ZNF362: variants seen among roughly 807,000 people sequenced by gnomAD.
The protein encoded by ZNF362 is rotund homolog.
In ZNF362, 11 loss-of-function variants were observed where a neutral mutation model predicts 42.9. That is an observed-to-expected ratio of 0.26 (90% CI 0.16 to 0.42). The LOEUF (loss-of-function observed/expected upper bound fraction) is 0.42. ZNF362 is among the 20% of genes least tolerant of loss of function. The probability of loss-of-function intolerance (pLI) is 1.00; values close to 1 mark genes in which losing one functional copy is unlikely to be tolerated. For synonymous variants in ZNF362, 255 were observed against 257.3 expected (o/e 0.99, Z 0.09); for missense variants, 362 against 576.2 (o/e 0.63, Z 3.81).
At chr1:33,200,759 A>G in the ZNF362 span, among the ~76,000 whole-genome samples, 4 of 152,240 alleles carry the variant, frequency 2.6e-5, no homozygotes, top group Non-Finnish European at 5.9e-5. Context: ...GCTTTGAAAT[A>G]CATTGTTATG....
intron 2 of ZNF362, among the ~76,000 whole-genome samples, chr1:33,272,282 A>G (rs1046808456): frequency 6.6e-6 from 1 of 152,110 alleles, no homozygotes; most frequent in African/African-American, 2.4e-5. Context: ...GCAGAAGCTT[A>G]TGGCTCACTT....
chr1:33,227,865 T>A, the ZNF362 span, among the ~76,000 whole-genome samples: 1 of 152,062 alleles, frequency 6.6e-6, no homozygotes, highest in Non-Finnish European at 1.5e-5. Flanking sequence ...GGGATCTTTT[T>A]TTTTTCCCAC....
the ZNF362 span, among the ~76,000 whole-genome samples, chr1:33,196,772 G>A: frequency 6.6e-6 from 1 of 152,176 alleles, no homozygotes; most frequent in Non-Finnish European, 1.5e-5. Context: ...GACTGGCAGT[G>A]CAGTAGGCCA....
Position 33,281,761 on chromosome 1 carries a change from C to G in ZNF362, c.858C>G (p.Ser286=). 1 of 1,614,266 alleles carries G rather than the reference C, an allele frequency of 6.2e-7. No homozygotes were observed. The highest frequency in any genetic ancestry group is 8.5e-7 in the Non-Finnish European group (1 of 1,180,042). The change falls in exon 6 of 9, where the codon TCC becomes TCG. Residue 286 remains serine (S), a synonymous_variant. Coordinates refer to ENST00000539719, the MANE Select transcript of ZNF362 (RefSeq NM_152493.3). This position sits in a 1 kb window ranked among gnomAD's most constrained non-coding sequence, Gnocchi z 4.8. Reference sequence around the variant, plus strand: ...TGGGCGTCAAGCCCTACCACTGCTCCTACTGTGATAAGTCCTTCCGGCAGC... The same window carrying G: ...TGGGCGTCAAGCCCTACCACTGCTCGTACTGTGATAAGTCCTTCCGGCAGC... ...IHLGVKPYHC[S]YCDKSFRQLS...
intron 1 of ZNF362, among the ~76,000 whole-genome samples, chr1:33,268,422 T>G (rs755819354): frequency 6.6e-6 from 1 of 152,218 alleles, no homozygotes; most frequent in Non-Finnish European, 1.5e-5. Context: ...GATTCAGCCA[T>G]GATCCCTCCC....
the ZNF362 span, among the ~76,000 whole-genome samples, chr1:33,151,783 C>T: frequency 2.0e-5 from 3 of 152,248 alleles, no homozygotes; most frequent in African/African-American, 7.2e-5. Flanking sequence ...GGATCATGGA[C>T]TGTGGAGGTC....
At chr1:33,276,653 G>C in intron 4 of ZNF362, 59 bp downstream of exon 4, 2 of 1,291,512 alleles carry the variant, frequency 1.5e-6, no homozygotes, top group Non-Finnish European at 2.0e-6. Context: ...GGGGGCGGGC[G>C]TAGCGGGGGA....
the ZNF362 span, among the ~76,000 whole-genome samples, chr1:33,215,770 T>G: frequency 6.6e-6 from 1 of 152,084 alleles, no homozygotes; most frequent in Non-Finnish European, 1.5e-5. Context: ...CTCAAATAAA[T>G]TTTGAAATTG....
the ZNF362 span, among the ~76,000 whole-genome samples, chr1:33,150,988 G>A: frequency 1.3e-5 from 2 of 152,142 alleles, no homozygotes; most frequent in Admixed American, 6.5e-5. Flanking sequence ...GGCAGCAACC[G>A]AGGCTCAGGG....
At position 33,274,486 on chromosome 1, in the gene ZNF362, A is replaced by G. The variant is rs535340001; in HGVS notation, c.39-1614A>G. Among the ~76,000 whole-genome samples, 38 of 152,288 alleles carry G rather than the reference A, an allele frequency of 2.5e-4. No homozygotes were observed. The South Asian group carries it at 7.9e-3, about 32-fold the overall frequency. ...GGAGCATTCAGGGAGAACTCCAGGC[A>G]GGAAGTACTTCTTGTGTTGGGCTGT... On this transcript the variant is annotated intron_variant, in intron 2 of 8. Coordinates refer to ENST00000539719, the MANE Select transcript of ZNF362 (RefSeq NM_152493.3).
At chr1:33,138,633 A>C in the ZNF362 span, among the ~76,000 whole-genome samples, 2 of 146,478 alleles carry the variant, frequency 1.4e-5, no homozygotes, top group African/African-American at 4.9e-5. Context: ...CAACAAAAAA[A>C]AAAAAAAAAA....
upstream of ZNF362, among the ~76,000 whole-genome samples, chr1:33,252,224 GCCTGTAATTC>G (rs1373838299): frequency 2.0e-5 from 3 of 152,134 alleles, no homozygotes; most frequent in Non-Finnish European, 2.9e-5. Flanking sequence ...GGTGGCATGT[GCCTGTAATTC>G]CCAGCTACTC....
At chr1:33,291,179 A>G (rs1168038483) in intron 6 of ZNF362, among the ~76,000 whole-genome samples, 1 of 152,092 alleles carries the variant, frequency 6.6e-6, no homozygotes, top group Non-Finnish European at 1.5e-5. Flanking sequence ...GTTTTCTTCT[A>G]GGGTTTTTAT....
chr1:33,194,453 C>T, the ZNF362 span, among the ~76,000 whole-genome samples: 1 of 149,910 alleles, frequency 6.7e-6, no homozygotes, highest in East Asian at 2.0e-4. Flanking sequence ...GGGAGAATCA[C>T]CTGAGCTTGG....
the ZNF362 span, among the ~76,000 whole-genome samples, chr1:33,136,267 CTCTT>C: frequency 6.7e-5 from 10 of 149,350 alleles, no homozygotes; most frequent in South Asian, 4.2e-4. Context: ...TTTTCTTTCT[CTCTT>C]TCTTTCTCTC....
chr1:33,271,397 T>C (rs542860172), intron 2 of ZNF362, among the ~76,000 whole-genome samples: 2 of 152,244 alleles, frequency 1.3e-5, no homozygotes, highest in African/African-American at 4.8e-5. Flanking sequence ...AGGCATCACC[T>C]CCCCTGGGAA....
upstream of ZNF362, among the ~76,000 whole-genome samples, chr1:33,252,244 C>T (rs1214239650): frequency 1.3e-5 from 2 of 151,966 alleles, no homozygotes; most frequent in Non-Finnish European, 2.9e-5. Context: ...CCCAGCTACT[C>T]GGGAGGCTGA....
chr1:33,267,980 G>C (rs1438438296), intron 1 of ZNF362, among the ~76,000 whole-genome samples: 1 of 152,186 alleles, frequency 6.6e-6, no homozygotes, highest in Non-Finnish European at 1.5e-5. Flanking sequence ...AATAATACAT[G>C]AGCGTGCCAA....
chr1:33,161,504 G>A, the ZNF362 span, among the ~76,000 whole-genome samples: 8 of 152,262 alleles, frequency 5.3e-5, no homozygotes, highest in South Asian at 1.0e-3. The surrounding 1 kb of genome is among the most constrained non-coding windows in gnomAD (Gnocchi z 4.3). Flanking sequence ...TTCCCTCCCC[G>A]ACGCGCGGCT....
Sources: allele counts gnomAD v4.1 joint callset (sites outside exome capture counted in the v4.1 genomes callset), GRCh38; gene constraint gnomAD v4.1.1; non-coding constraint Gnocchi (gnomAD v3.1); transcripts MANE v1.5; gene names NCBI Gene and HGNC (gene_info 2026-07-23, HGNC 2026-07-21).